The following MCFD2 variants were observed in gnomAD, a reference collection of about 807,000 sequenced individuals.
The protein encoded by MCFD2 is multiple coagulation factor deficiency protein 2.
In MCFD2, 11 loss-of-function variants were observed where a neutral mutation model predicts 12.8. The ratio of observed to expected loss-of-function variants is 0.86; its 90% confidence interval spans 0.54 to 1.42. The LOEUF (loss-of-function observed/expected upper bound fraction) is 1.42. MCFD2 is among the 40% of genes most tolerant of loss of function. MCFD2 has a pLI of 0.00. For missense variants in MCFD2, 191 were observed against 178.6 expected (o/e 1.07, Z -0.40); for synonymous variants, 70 against 68.1 (o/e 1.03, Z -0.14).
intron 1 of MCFD2, among the ~76,000 whole-genome samples, chr2:46,922,805 C>T (rs2103809140): frequency 1.3e-5 from 2 of 152,226 alleles, no homozygotes; most frequent in Middle Eastern, 6.8e-3. Context: ...TGGGAGGCCT[C>T]CAATTCAATT....
Position 46,907,718 on chromosome 2 carries a change from A to C in MCFD2, c.309+92T>G. 2 of 1,387,338 alleles carry C rather than the reference A, an allele frequency of 1.4e-6. No individual in the cohort carries two copies. The highest frequency in any genetic ancestry group is 2.0e-6 in the Non-Finnish European group (2 of 982,488). 85.9% of individuals were successfully genotyped at this position (1,387,338 alleles called of 1,614,324 possible). On this transcript the variant is annotated intron_variant, in intron 3 of 3. Coordinates refer to ENST00000319466, the MANE Select transcript of MCFD2 (RefSeq NM_139279.6). The surrounding 1 kb of genome is among the most constrained non-coding windows in gnomAD (Gnocchi z 4.1). ...AGTGGAGAAGCAGCACTCTTGGCAC[A>C]TAAGGACAACACAAGTCAACAAGAC...
In MCFD2 at chr2:46,907,948, T is replaced by A. The variant is rs746007921; in HGVS notation, c.171A>T (p.Glu57Asp). Residue 57 changes from glutamate (E) to aspartate (D), a missense_variant, in exon 3 of 4, where the codon GAA (glutamate) becomes GAT (aspartate). Transcript: ENST00000319466. The surrounding 1 kb of genome is among the most constrained non-coding windows in gnomAD (Gnocchi z 4.1). ...HDQEHIMEHL[E>D]GVINKPEAEM... Reference sequence around the variant, plus strand: ...CCGCCTCTGGTTTGTTGATGACACCTTCTAGATGCTCCATGATATGCCTAA... The same window carrying A: ...CCGCCTCTGGTTTGTTGATGACACCATCTAGATGCTCCATGATATGCCTAA... 1 of 1,614,194 alleles carries A rather than the reference T, an allele frequency of 6.2e-7. No individual in the cohort carries two copies. Among genetic ancestry groups the A allele is most frequent in the Non-Finnish European group, 8.5e-7 (1 of 1,180,042 alleles).
At position 46,905,453 on chromosome 2, in the gene MCFD2, C is replaced by T. The variant is rs1558460007; in HGVS notation, c.*10G>A. On this transcript the variant is annotated 3_prime_UTR_variant, in exon 4 of 4. Coordinates refer to ENST00000319466, the MANE Select transcript of MCFD2 (RefSeq NM_139279.6). ...CATTTGTATATAACCAGGAGATGGC[C>T]AAATAACATCTACTGCAGTGATTTT... is the stretch of plus-strand genomic sequence containing the variant. 6.2e-7 allele frequency: 1 copy of T among 1,611,956 alleles called. No homozygotes were observed. The highest frequency in any genetic ancestry group is 1.3e-5 in the African/African-American group (1 of 74,930).
chr2:46,915,671 A>G lies in MCFD2; in HGVS notation c.-7+52T>C, dbSNP rs530387138. 62 of 711,686 alleles carry G rather than the reference A, an allele frequency of 8.7e-5. No homozygotes were observed. In the African/African-American group the frequency reaches 1.1e-3, roughly 13 times the overall value. 44.1% of individuals were successfully genotyped at this position (711,686 alleles called of 1,614,324 possible). On this transcript the variant is annotated intron_variant, in intron 1 of 3. Transcript: ENST00000319466. ...TCTTGAGCCCAAGCCTCCAGCCCAC[A>G]GGAGAGGCGCCGGGATCCCGCCCGC...
At position 46,908,985 on chromosome 2, in the gene MCFD2, G is replaced by C; in HGVS notation, c.149+38C>G. On this transcript the variant is annotated intron_variant, in intron 2 of 3. Transcript: ENST00000319466. This position sits in a 1 kb window ranked among gnomAD's most constrained non-coding sequence, Gnocchi z 4.5. ...GCCGCTGGCTCAGCTGCAGATGATG[G>C]GGAGGCCACTGGACCACAGCCCGGG... 6.2e-7 allele frequency: 1 copy of C among 1,613,938 alleles called. No individual in the cohort carries two copies.
chr2:46,923,166 G>C (rs1669194240), intron 1 of MCFD2, among the ~76,000 whole-genome samples: 1 of 152,142 alleles, frequency 6.6e-6, no homozygotes, highest in Non-Finnish European at 1.5e-5. Flanking sequence ...TCAGCTCTCT[G>C]GAAGCTCTCC....
At chr2:46,935,625 T>G (rs1241785337) in intron 1 of MCFD2, among the ~76,000 whole-genome samples, 1 of 152,106 alleles carries the variant, frequency 6.6e-6, no homozygotes, top group Non-Finnish European at 1.5e-5. Flanking sequence ...AGCATTCAAT[T>G]ATTGAGGCCC....
intron 1 of MCFD2, among the ~76,000 whole-genome samples, chr2:46,924,619 A>G (rs1354945688): frequency 6.6e-6 from 1 of 151,952 alleles, no homozygotes; most frequent in Non-Finnish European, 1.5e-5. Flanking sequence ...TATTCATTGG[A>G]TATTTTCTTT....
At chr2:46,921,805 C>T (rs556442342) in intron 1 of MCFD2, among the ~76,000 whole-genome samples, 2 of 152,240 alleles carry the variant, frequency 1.3e-5, no homozygotes, top group East Asian at 3.9e-4. Flanking sequence ...AACCTAGATC[C>T]CTTACATGCG....
intron 1 of MCFD2, among the ~76,000 whole-genome samples, chr2:46,915,334 G>A (rs1217553709): frequency 6.6e-6 from 1 of 152,218 alleles, no homozygotes; most frequent in Non-Finnish European, 1.5e-5. Context: ...CCCCCGCCGG[G>A]CCCGACAGGA....
intron 3 of MCFD2, 116 bp from the exon 4 acceptor site, chr2:46,905,710 AAAAAAGG>A: frequency 1.8e-6 from 2 of 1,142,410 alleles, no homozygotes; most frequent in Non-Finnish European, 2.5e-6. Flanking sequence ...AAAAAAAAAA[AAAAAAGG>A]AAAAACAAAA....
upstream of MCFD2, among the ~76,000 whole-genome samples, chr2:46,917,595 G>A (rs1198726023): frequency 6.6e-6 from 1 of 152,198 alleles, no homozygotes; most frequent in Non-Finnish European, 1.5e-5. Flanking sequence ...ATTCTAGCCA[G>A]TGCTTTCATT....
In MCFD2 at chr2:46,937,798, G is replaced by A. The variant is rs1234735837; in HGVS notation, c.-8+3774C>T. On this transcript the variant is annotated intron_variant, in intron 1 of 2. Transcript: ENST00000409147. This position sits in a 1 kb window ranked among gnomAD's most constrained non-coding sequence, Gnocchi z 4.0. Reference sequence around the variant, plus strand: ...AGCTGAAGGGGTTTGGGGAAGCTGTGAACGTTAGTCAAGGTCTTTTGGAGG... The same window carrying A: ...AGCTGAAGGGGTTTGGGGAAGCTGTAAACGTTAGTCAAGGTCTTTTGGAGG... Among the ~76,000 whole-genome samples, 3 of 152,226 alleles carry A rather than the reference G, an allele frequency of 2.0e-5. No individual in the cohort carries two copies. The East Asian group carries it at 5.8e-4, about 29-fold the overall frequency.
In MCFD2 at chr2:46,908,031, A is replaced by C; in HGVS notation, c.150-62T>G. 1 of 1,592,892 alleles carries C rather than the reference A, an allele frequency of 6.3e-7. No homozygotes were observed. Among genetic ancestry groups the C allele is most frequent in the East Asian group, 2.2e-5 (1 of 44,766 alleles). ...ATACTGGGATCATGCTGAAATCTTA[A>C]GGACTCTGAAAAGTTCAAGATCTTA... is the stretch of plus-strand genomic sequence containing the variant. On this transcript the variant is annotated intron_variant, in intron 2 of 3. Coordinates refer to ENST00000319466, the MANE Select transcript of MCFD2 (RefSeq NM_139279.6). This position sits in a 1 kb window ranked among gnomAD's most constrained non-coding sequence, Gnocchi z 4.5.
At position 46,940,254 on chromosome 2, in the gene MCFD2, A is replaced by T. The variant is rs1453670575; in HGVS notation, c.-8+1318T>A. Among the ~76,000 whole-genome samples the T allele has an allele frequency of 6.6e-6, 1 of 152,130 alleles. No homozygotes were observed. The highest frequency in any genetic ancestry group is 2.4e-5 in the African/African-American group (1 of 41,434). ...CGTGGAGCACCTTCTAACTCTTAGG[A>T]GTCTGCTCAAAAGTTTGCCCTGACC... On this transcript the variant is annotated intron_variant, in intron 1 of 2. Transcript: ENST00000409147. The surrounding 1 kb of genome is among the most constrained non-coding windows in gnomAD (Gnocchi z 4.7).
At position 46,941,842 on chromosome 2, in the gene MCFD2, C is replaced by T. The variant is rs543332567; in HGVS notation, c.-278G>A. 3 of 1,359,422 alleles carry T rather than the reference C, an allele frequency of 2.2e-6. No homozygotes were observed. The highest frequency in any genetic ancestry group is 3.0e-6 in the Non-Finnish European group (3 of 989,936). 84.2% of individuals were successfully genotyped at this position (1,359,422 alleles called of 1,614,324 possible). A position where few individuals can be genotyped will look rare whatever the true frequency, so the allele number is the denominator to read the frequency against. Reference sequence around the variant, plus strand: ...AGCGGGCGCCTGCCAGCCCACCGTGCTAGTCTTAAGAGCAGCCAGGGCAGT... The same window carrying T: ...AGCGGGCGCCTGCCAGCCCACCGTGTTAGTCTTAAGAGCAGCCAGGGCAGT... On this transcript the variant is annotated 5_prime_UTR_variant, in exon 1 of 3. Transcript: ENST00000409147. This position sits in a 1 kb window ranked among gnomAD's most constrained non-coding sequence, Gnocchi z 4.2.
chr2:46,906,255 T>C (rs1204465629), intron 3 of MCFD2, among the ~76,000 whole-genome samples: 1 of 152,032 alleles, frequency 6.6e-6, no homozygotes, highest in Non-Finnish European at 1.5e-5. Context: ...AACACTAGTC[T>C]CTCCTCATGT....
chr2:46,909,236 G>A (rs1459480761), intron 1 of MCFD2, 59 bp from the exon 2 acceptor site: 2 of 1,557,380 alleles, frequency 1.3e-6, no homozygotes, highest in African/African-American at 2.7e-5. Flanking sequence ...GTTTCGTTCA[G>A]GGCTTGACAT....
At chr2:46,912,854 A>C (rs1465321702) in intron 1 of MCFD2, among the ~76,000 whole-genome samples, 1 of 152,102 alleles carries the variant, frequency 6.6e-6, no homozygotes, top group African/African-American at 2.4e-5. Context: ...GTCCTTGGGG[A>C]GCTGGGGGGA....
Sources: allele counts gnomAD v4.1 joint callset (sites outside exome capture counted in the v4.1 genomes callset), GRCh38; gene constraint gnomAD v4.1.1; non-coding constraint Gnocchi (gnomAD v3.1); transcripts MANE v1.5; gene names NCBI Gene and HGNC (gene_info 2026-07-23, HGNC 2026-07-21).